Variants in PPL observed in about 807,000 individuals in gnomAD.
PPL encodes the protein periplakin.
In PPL, 198 loss-of-function variants were observed where a neutral mutation model predicts 194.4. The ratio of observed to expected loss-of-function variants is 1.02; its 90% CI spans 0.91 to 1.15. The LOEUF (loss-of-function observed/expected upper bound fraction) is 1.15, where lower values mean the gene tolerates loss of function less well. Among genes scored for constraint, PPL ranks in the 50% most tolerant of loss-of-function variants. The probability of loss-of-function intolerance (pLI) is 0.00; values close to 1 mark genes in which losing one functional copy is unlikely to be tolerated. For missense variants in PPL, 2,885 were observed against 2,294.8 expected, an observed-to-expected ratio of 1.26 and a Z score of -5.25; for synonymous variants, 1,220 against 972.4, an observed-to-expected ratio of 1.25 and a Z score of -4.74.
chr16:4,896,974 C>T (rs1313408485), intron 9 of PPL, among the ~76,000 whole-genome samples: 1 of 151,860 alleles, frequency 6.6e-6, no homozygotes, highest in Non-Finnish European at 1.5e-5. Context: ...GAAAGTTTTG[C>T]AAGTAGATGG....
Position 4,904,009 on chromosome 16 carries a change from G to A in PPL, c.194C>T (p.Pro65Leu). 6.2e-7 allele frequency: 1 copy of A among 1,613,058 alleles called. No homozygotes were observed. The highest frequency in any genetic ancestry group is 1.1e-5 in the South Asian group (1 of 91,062). The stretch of plus-strand genomic sequence containing the variant: ...CTGCAGGGTCACGTCCCGGTGCTCA[G>A]GCTGCCGACCCTCCTGCAGCCGAGC... ...DLARLQEGRQ[P>L]EHRDVTLQKV... The change falls in exon 3 of 22, where the codon CCT becomes CTT. Residue 65 changes from proline to leucine, a missense_variant. By Grantham distance (98) the Pro-to-Leu change is moderately conservative. Transcript: ENST00000345988.
intron 18 of PPL, 134 bp downstream of exon 18, chr16:4,890,050 C>G: frequency 1.5e-6 from 2 of 1,302,642 alleles, no homozygotes; most frequent in Non-Finnish European, 2.1e-6. Flanking sequence ...AGCTGAGGCC[C>G]AGGGAGGACA....
intron 8 of PPL, among the ~76,000 whole-genome samples, chr16:4,898,181 T>A (rs2088472058): frequency 6.6e-6 from 1 of 152,106 alleles, no homozygotes; most frequent in Non-Finnish European, 1.5e-5. Context: ...AGTTTGAGAC[T>A]AGCCTGGCCC....
At position 4,893,484 on chromosome 16, in the gene PPL, T is replaced by C. The variant is rs922122353; in HGVS notation, c.1492+57A>G. 16 of 1,600,440 alleles carry C rather than the reference T, an allele frequency of 1.0e-5. No individual in the cohort carries two copies. The African/African-American group carries it at 2.0e-4, about 20-fold the overall frequency. ...GTCTCATCCACAGCACAGACCCTGG[T>C]CCAGCCCCTCCTCCCCGGTACCCCC... On this transcript the variant is annotated intron_variant, in intron 13 of 21. Coordinates refer to ENST00000345988, the MANE Select transcript of PPL (RefSeq NM_002705.5).
chr16:4,925,822 C>T (rs1385174434), intron 1 of PPL, among the ~76,000 whole-genome samples: 1 of 152,182 alleles, frequency 6.6e-6, no homozygotes. Context: ...TCAATCCACA[C>T]CCACCCCTTA....
At chr16:4,891,093 TTC>T (rs1159925066) in intron 16 of PPL, among the ~76,000 whole-genome samples, 172 bp from the exon 17 acceptor site, 1 of 152,242 alleles carries the variant, frequency 6.6e-6, no homozygotes, top group African/African-American at 2.4e-5. Flanking sequence ...TTCTGCCATC[TTC>T]TGTTTTTTAA....
chr16:4,896,925 G>A (rs977377246), intron 9 of PPL, among the ~76,000 whole-genome samples: 24 of 151,916 alleles, frequency 1.6e-4, no homozygotes, highest in Non-Finnish European at 2.2e-4. Flanking sequence ...ATGAGCTACC[G>A]TGCCCAGCCA....
At chr16:4,921,005 C>T (rs1054541643) in intron 1 of PPL, among the ~76,000 whole-genome samples, 6 of 152,210 alleles carry the variant, frequency 3.9e-5, no homozygotes, top group African/African-American at 1.4e-4. Context: ...CCCCCTCAGC[C>T]TTGTTGACGC....
intron 9 of PPL, among the ~76,000 whole-genome samples, chr16:4,896,151 G>T (rs1354139807): frequency 2.0e-5 from 3 of 152,084 alleles, no homozygotes; most frequent in Non-Finnish European, 4.4e-5. Context: ...TTCACTGTCA[G>T]CTATCCCCTG....
In PPL at chr16:4,894,505, G is replaced by C. The variant is rs1237699606; in HGVS notation, c.1356C>G (p.Ile452Met). ...CCAGGGCCTCAGGGTCTGTGGGGGG[G>C]ATCACAAAACACACGGCCGGAGCAA... The part of the protein sequence containing the change: ...KLIAPAVCFV[I>M]PPTDPEALAL... The change falls in exon 12 of 22, where the codon ATC (isoleucine) becomes ATG (methionine). Residue 452 changes from isoleucine (I) to methionine (M), a missense_variant. Coordinates refer to ENST00000345988, the MANE Select transcript of PPL (RefSeq NM_002705.5). The C allele has an allele frequency of 1.9e-6, 3 of 1,613,812 alleles. No individual in the cohort carries two copies. The highest frequency in any genetic ancestry group is 2.7e-5 in the African/African-American group (2 of 74,922).
chr16:4,894,095 T>A (rs1243340227), intron 12 of PPL, among the ~76,000 whole-genome samples: 1 of 152,076 alleles, frequency 6.6e-6, no homozygotes, highest in Non-Finnish European at 1.5e-5. Flanking sequence ...TAAAAAGCGG[T>A]GCGTGCAGTG....
chr16:4,934,528 C>T (rs948490154), intron 1 of PPL, among the ~76,000 whole-genome samples: 4 of 152,180 alleles, frequency 2.6e-5, no homozygotes, highest in Middle Eastern at 3.4e-3. Flanking sequence ...AACAAGGCTT[C>T]GAGAGGCTCC....
rs999540156 is a variant in PPL, at chr16:4,889,055, G to A, written c.2320C>T (p.Leu774=). Residue 774 remains leucine, a synonymous_variant, in exon 19 of 22, where the codon CTA becomes TTA. Coordinates refer to ENST00000345988, the MANE Select transcript of PPL (RefSeq NM_002705.5). ...TGCTCCCTACTTGCTATCTCATCTA[G>A]CAGGTTCTGTAAGACAGAGTTTAAA... The part of the protein sequence containing the change: ...ETKLKNQKNL[L]DEIASREQEV... 6.2e-7 allele frequency: 1 copy of A among 1,613,318 alleles called. No individual in the cohort carries two copies. The highest frequency in any genetic ancestry group is 1.3e-5 in the African/African-American group (1 of 74,812).
Position 4,887,177 on chromosome 16 carries a change from C to T in PPL, c.2565G>A (p.Gln855=). The change falls in exon 21 of 22, where the codon CAG becomes CAA. Residue 855 remains glutamine, a synonymous_variant. Coordinates refer to ENST00000345988, the MANE Select transcript of PPL (RefSeq NM_002705.5). ...GAGCAAACTCCAGATTCTGCAGCCT[C>T]TGTCTGTTGATGGCATAAACTTCAG... ...KFTEVYAINR[Q]RLQNLEFALN... 1 of 1,614,182 alleles carries T rather than the reference C, an allele frequency of 6.2e-7. No homozygotes were observed.
chr16:4,934,474 C>G (rs2089267065), intron 1 of PPL, among the ~76,000 whole-genome samples: 1 of 152,080 alleles, frequency 6.6e-6, no homozygotes, highest in Non-Finnish European at 1.5e-5. Context: ...CAGCCCTATG[C>G]ATGAGACACT....
chr16:4,919,083 G>A (rs2088985450), intron 1 of PPL, among the ~76,000 whole-genome samples: 3 of 152,278 alleles, frequency 2.0e-5, no homozygotes, highest in South Asian at 2.1e-4. Flanking sequence ...CACACACACC[G>A]GAAAAGGGAA....
intron 2 of PPL, among the ~76,000 whole-genome samples, chr16:4,908,625 C>A (rs536456440): frequency 5.5e-4 from 83 of 152,288 alleles, no homozygotes; most frequent in African/African-American, 1.8e-3. Context: ...GCAGCCTCAA[C>A]CTTCCGGGCT....
Position 4,926,512 on chromosome 16 carries a change from G to A in PPL, c.62+10472C>T, listed in dbSNP as rs551971095. 1.2e-4 allele frequency among the ~76,000 whole-genome samples: 19 copies of A among 152,314 alleles called. No homozygotes were observed. In the East Asian group the frequency reaches 3.5e-3, roughly 28 times the overall value. ...CAGAAGGCCCTCTCCCAAAAGATGA[G>A]TAAATCCCAACTATTCAAAAGCTTG... On this transcript the variant is annotated intron_variant, in intron 1 of 21. Coordinates refer to ENST00000345988, the MANE Select transcript of PPL (RefSeq NM_002705.5).
chr16:4,908,422 T>TTGTCTCTCTCTCTCTC (rs796281911), intron 2 of PPL, among the ~76,000 whole-genome samples: 3 of 148,410 alleles, frequency 2.0e-5, no homozygotes, highest in African/African-American at 7.4e-5. Context: ...TCTTCCTTCT[T>TTGTCTCTCTCTCTCTC]TCTCTCTCTC....
Sources: allele counts gnomAD v4.1 joint callset (sites outside exome capture counted in the v4.1 genomes callset), GRCh38; gene constraint gnomAD v4.1.1; transcripts MANE v1.5; gene names NCBI Gene and HGNC (gene_info 2026-07-23, HGNC 2026-07-21).